SMARCA4: variants seen among roughly 807,000 people sequenced by gnomAD.
SMARCA4 encodes SWI/SNF related BAF chromatin remodeling complex subunit ATPase 4.
In SMARCA4, 31 loss-of-function variants were observed where a neutral mutation model predicts 193.9. The ratio of observed to expected loss-of-function variants is 0.16; its 90% CI spans 0.12 to 0.22. The LOEUF is 0.22. Ranked by LOEUF, SMARCA4 falls within the 10% of genes least tolerant of loss-of-function variation. The pLI, the probability that SMARCA4 is intolerant of heterozygous loss-of-function variation, is 1.00. For synonymous variants in SMARCA4, 942 were observed against 933.1 expected (o/e 1.01, Z -0.17); for missense variants, 1,148 against 2,296.0 (o/e 0.50, Z 10.22).
At chr19:10,977,727 C>T (rs1029007505) in intron 1 of SMARCA4, 2 of 152,266 alleles carry the variant, frequency 1.3e-5, no homozygotes, top group Non-Finnish European at 2.9e-5. Context: ...TAGTGCGATA[C>T]CTTTCACGTG....
chr19:11,047,294 G>A (rs907888445), intron 30 of SMARCA4, among the ~76,000 whole-genome samples: 2 of 152,146 alleles, frequency 1.3e-5, no homozygotes, highest in South Asian at 2.1e-4. Flanking sequence ...TGATCTGGAC[G>A]GTTCCAGACA....
rs2145848192 is a variant in SMARCA4, at chr19:10,989,370, C to T, written c.1172C>T (p.Ser391Phe). The T allele has an allele frequency of 6.2e-7, 1 of 1,614,170 alleles. No homozygotes were observed. Among genetic ancestry groups the T allele is most frequent in the Non-Finnish European group, 8.5e-7 (1 of 1,180,014 alleles). The change falls in exon 7 of 35, where the codon TCC (serine) becomes TTC (phenylalanine). Residue 391 changes from serine (S) to phenylalanine (F), a missense_variant. Ser to Phe is a radical substitution (Grantham distance 155). This residue lies in a region of SMARCA4 where 69 missense variants were observed against 186.9 expected (regional missense o/e 0.37). Transcript: ENST00000344626. ...RIQELENLPG[S>F]LAGDLRTKAT... ...CAGGAACTTGAAAACCTTCCCGGGT[C>T]CCTGGCCGGGGATTTGCGAACCAAA...
rs1166347946 is a variant in SMARCA4 at position 11,058,797 on chromosome 19, C to A, written c.4543C>A (p.Arg1515Ser). Residue 1515 changes from arginine (R) to serine (S), a missense_variant, in exon 32 of 35, where the codon CGC becomes AGC. Coordinates refer to ENST00000344626, the MANE Select transcript of SMARCA4 (RefSeq NM_003072.5). This position sits in a 1 kb window ranked among gnomAD's most constrained non-coding sequence, Gnocchi z 5.8. ...CTCCCGTCCACTGCAGGAGCGCATTCGCAACCACAAGTACCGCAGCCTCAA... is the reference window on the plus strand; with the variant it reads ...CTCCCGTCCACTGCAGGAGCGCATTAGCAACCACAAGTACCGCAGCCTCAA... ...VDFKKIKERIRNHKYRSLNDL... is the reference protein window; with the variant it reads ...VDFKKIKERISNHKYRSLNDL... The A allele has an allele frequency of 6.2e-7, 1 of 1,614,054 alleles. No homozygotes were observed. Among genetic ancestry groups the A allele is most frequent in the Middle Eastern group, 1.6e-4 (1 of 6,062 alleles).
intron 8 of SMARCA4, among the ~76,000 whole-genome samples, chr19:10,994,531 C>T (rs2086849945): frequency 1.3e-5 from 2 of 151,642 alleles, no homozygotes; most frequent in Admixed American, 1.3e-4. Flanking sequence ...GGGGTTTTAC[C>T]ATGGTCTCGA....
At chr19:11,051,956 G>A (rs973983967) in intron 30 of SMARCA4, among the ~76,000 whole-genome samples, 2 of 152,098 alleles carry the variant, frequency 1.3e-5, no homozygotes, top group African/African-American at 2.4e-5. Context: ...TTAGCCGAGC[G>A]TAGTGAGACT....
rs536997701 is a variant in SMARCA4 at position 10,966,412 on chromosome 19, G to A, written c.-32+5238G>A. Reference sequence around the variant, plus strand: ...CCAAGACCAGCCTGGGCAGCATGGCGAAACCCCGTCTCTACAGAAAAGTTA... The same window carrying A: ...CCAAGACCAGCCTGGGCAGCATGGCAAAACCCCGTCTCTACAGAAAAGTTA... On this transcript the variant is annotated intron_variant, in intron 1 of 34. Coordinates refer to ENST00000344626, the MANE Select transcript of SMARCA4 (RefSeq NM_003072.5). Among the ~76,000 whole-genome samples the A allele has an allele frequency of 9.2e-5, 14 of 152,070 alleles. No homozygotes were observed. The South Asian group carries it at 1.9e-3, about 20-fold the overall frequency.
chr19:11,060,200 C>A lies in SMARCA4; in HGVS notation c.4911+13C>A. 6.5e-7 allele frequency: 1 copy of A among 1,549,844 alleles called. No individual in the cohort carries two copies. Among genetic ancestry groups the A allele is most frequent in the Non-Finnish European group, 8.7e-7 (1 of 1,146,392 alleles). ...GGAACAAGAGGAGGTGAGGCCGGGCCCCCGAGCAGGCAGAGCTGGCATGTG... is the reference window on the plus strand; with the variant it reads ...GGAACAAGAGGAGGTGAGGCCGGGCACCCGAGCAGGCAGAGCTGGCATGTG... On this transcript the variant is annotated intron_variant, in intron 34 of 34. Transcript: ENST00000344626.
rs1177004533 is a variant in SMARCA4 at position 11,061,193 on chromosome 19, A to T, written c.4912-591A>T. On this transcript the variant is annotated intron_variant, in intron 34 of 34. Transcript: ENST00000344626. ...ACAGAGCAAGACCCTGTCTTTAAAA[A>T]AAAAAAAAAAAATATATATATATAT... Among the ~76,000 whole-genome samples the T allele has an allele frequency of 4.0e-3, 182 of 46,002 alleles. 8 individuals are homozygous for T. Among genetic ancestry groups the T allele is most frequent in the South Asian group, 8.3e-3 (13 of 1,562 alleles). The allele number at this position is 46,002 out of a possible 152,430, so 30.2% of individuals were successfully genotyped here.
intron 1 of SMARCA4, among the ~76,000 whole-genome samples, chr19:10,980,533 C>T (rs997757685): frequency 1.4e-4 from 21 of 151,922 alleles, no homozygotes; most frequent in African/African-American, 5.1e-4. Flanking sequence ...ACTCGGGAGG[C>T]TGAGGCATGA....
chr19:11,037,908 A>G (rs1454614901), intron 29 of SMARCA4, among the ~76,000 whole-genome samples: 6 of 152,206 alleles, frequency 3.9e-5, no homozygotes, highest in Non-Finnish European at 8.8e-5. Flanking sequence ...AGCCCATCTT[A>G]TTACACAGTA....
chr19:11,049,334 G>A (rs2076123768), intron 30 of SMARCA4, among the ~76,000 whole-genome samples: 1 of 152,190 alleles, frequency 6.6e-6, no homozygotes, highest in African/African-American at 2.4e-5. Context: ...GAACCTGCCA[G>A]AAATCGAAAC....
intron 16 of SMARCA4, chr19:11,018,248 G>A (rs2089543694): frequency 6.2e-6 from 1 of 160,614 alleles, no homozygotes; most frequent in African/African-American, 2.4e-5. Context: ...CTGCCCCAGA[G>A]TTCCTCCCAG....
intron 13 of SMARCA4, among the ~76,000 whole-genome samples, chr19:11,006,670 A>G (rs1412965838): frequency 6.6e-6 from 1 of 152,168 alleles, no homozygotes; most frequent in Non-Finnish European, 1.5e-5. Context: ...CAACTGATAA[A>G]CTGCTTTAGT....
chr19:11,026,411 T>C (rs533156294), intron 23 of SMARCA4, 65 bp downstream of exon 23: 12 of 1,207,116 alleles, frequency 9.9e-6, no homozygotes, highest in African/African-American at 8.9e-5. Context: ...TGTCGTTTTG[T>C]TGGCTTTATT....
intron 7 of SMARCA4, 117 bp downstream of exon 7, chr19:10,989,560 A>G: frequency 8.2e-7 from 1 of 1,212,644 alleles, no homozygotes; most frequent in South Asian, 1.3e-5. Flanking sequence ...TGTGAAAAGC[A>G]GCCGTGGCCA....
intron 30 of SMARCA4, among the ~76,000 whole-genome samples, chr19:11,046,619 A>G (rs970383017): frequency 6.6e-6 from 1 of 152,204 alleles, no homozygotes; most frequent in African/African-American, 2.4e-5. Context: ...TGCACAGGAA[A>G]ACATCACATA....
In SMARCA4 at chr19:10,987,816, C is replaced by G. The variant is rs2145819185; in HGVS notation, c.1010C>G (p.Ala337Gly). Residue 337 changes from alanine (A) to glycine (G), a missense_variant, in exon 6 of 35, where the codon GCC becomes GGC. Coordinates refer to ENST00000344626, the MANE Select transcript of SMARCA4 (RefSeq NM_003072.5). The surrounding 1 kb of genome is among the most constrained non-coding windows in gnomAD (Gnocchi z 5.3). ...CAGACCCAGTCCCCCGGGCAGCCGG[C>G]CCAGCCCGCGCCCATGGTGCCACTG... ...PPQTQSPGQP[A>G]QPAPMVPLHQ... 2 of 1,605,900 alleles carry G rather than the reference C, an allele frequency of 1.2e-6. No homozygotes were observed. The highest frequency in any genetic ancestry group is 8.5e-7 in the Non-Finnish European group (1 of 1,176,932).
At chr19:10,978,090 A>G (rs994854183) in intron 1 of SMARCA4, among the ~76,000 whole-genome samples, 8 of 152,038 alleles carry the variant, frequency 5.3e-5, no homozygotes, top group Non-Finnish European at 1.0e-4. Flanking sequence ...TGAGGCCCCT[A>G]CCTCCTGGCT....
intron 14 of SMARCA4, chr19:11,008,371 A>G (rs951687652): frequency 2.8e-6 from 1 of 356,946 alleles, no homozygotes; most frequent in African/African-American, 2.1e-5. Flanking sequence ...TGCTGTCTGC[A>G]TTAGCAAGCA....
Sources: allele counts gnomAD v4.1 joint callset (sites outside exome capture counted in the v4.1 genomes callset), GRCh38; gene constraint gnomAD v4.1.1; regional missense constraint gnomAD v4.1.1; non-coding constraint Gnocchi (gnomAD v3.1); transcripts MANE v1.5; gene names NCBI Gene and HGNC (gene_info 2026-07-23, HGNC 2026-07-21).